CDH13: variants seen among roughly 807,000 people sequenced by gnomAD.
CDH13 encodes cadherin-13.
Under a neutral mutation model 63.8 loss-of-function variants are expected in CDH13, and 24 were observed. The ratio of observed to expected loss-of-function variants is 0.38; its 90% CI spans 0.27 to 0.53. The LOEUF (loss-of-function observed/expected upper bound fraction) is 0.53, where lower values mean the gene tolerates loss of function less well. CDH13 is among the 20% of genes least tolerant of loss of function. The probability of loss-of-function intolerance (pLI) is 0.85; values close to 1 mark genes in which losing one functional copy is unlikely to be tolerated. For missense variants in CDH13, 1,049 were observed against 903.1 expected (o/e 1.16, Z -2.07); for synonymous variants, 503 against 355.3 (o/e 1.42, Z -4.67).
chr16:83,780,159 C>G lies in CDH13; in HGVS notation c.1873C>G (p.Gln625Glu). The change falls in exon 12 of 14, where the codon CAA (glutamine) becomes GAA (glutamate). Residue 625 changes from glutamine (Q) to glutamate (E), a missense_variant. Physicochemically the swap from Gln to Glu is conservative, Grantham distance 29 (BLOSUM62 2). Transcript: ENST00000567109. The stretch of plus-strand genomic sequence containing the variant: ...TCCTTTCAAATTTGAAATCCACAAA[C>G]AAGCTGTTCCTGATAAAGTCTGGAA... Reference protein sequence around the residue: ...TDPFKFEIHKQAVPDKVWKIS... With the variant: ...TDPFKFEIHKEAVPDKVWKIS... The G allele has an allele frequency of 6.2e-7, 1 of 1,610,032 alleles. No individual in the cohort carries two copies. The highest frequency in any genetic ancestry group is 8.5e-7 in the Non-Finnish European group (1 of 1,177,898).
intron 5 of CDH13, among the ~76,000 whole-genome samples, chr16:83,290,549 A>G (rs1351467260): frequency 6.6e-6 from 1 of 152,134 alleles, no homozygotes; most frequent in Non-Finnish European, 1.5e-5. Flanking sequence ...CTCCCCACTC[A>G]TGTGGGACTA....
At chr16:83,366,582 C>T (rs1396348495) in intron 6 of CDH13, among the ~76,000 whole-genome samples, 1 of 152,142 alleles carries the variant, frequency 6.6e-6, no homozygotes, top group Non-Finnish European at 1.5e-5. Context: ...GGATAAGCTA[C>T]CATCATTAAG....
intron 2 of CDH13, among the ~76,000 whole-genome samples, chr16:83,027,537 A>G (rs1332484151): frequency 6.6e-6 from 1 of 152,166 alleles, no homozygotes; most frequent in Non-Finnish European, 1.5e-5. Context: ...CAGTGAAGAC[A>G]AAGGCAGAGG....
At chr16:83,791,782 G>T (rs1344598576) in intron 13 of CDH13, among the ~76,000 whole-genome samples, 1 of 131,664 alleles carries the variant, frequency 7.6e-6, no homozygotes, top group Non-Finnish European at 1.5e-5. Flanking sequence ...TTGCACTCCA[G>T]CCTGGGCAAC....
intron 1 of CDH13, among the ~76,000 whole-genome samples, chr16:82,786,778 G>A (rs2036037638): frequency 6.6e-6 from 1 of 151,566 alleles, no homozygotes; most frequent in Admixed American, 6.6e-5. Flanking sequence ...CCTTGCAATC[G>A]TTTGCTCAGA....
chr16:83,744,927 A>T (rs1391363336), intron 10 of CDH13, among the ~76,000 whole-genome samples: 3 of 152,190 alleles, frequency 2.0e-5, no homozygotes, highest in Non-Finnish European at 2.9e-5. Context: ...GAAGCAGCAG[A>T]GGGTGACAGC....
intron 7 of CDH13, among the ~76,000 whole-genome samples, chr16:83,532,789 AG>A (rs2075108809): frequency 6.6e-6 from 1 of 152,174 alleles, no homozygotes; most frequent in East Asian, 1.9e-4. Context: ...TTTGCACTAG[AG>A]CAGTTGTCCC....
chr16:83,375,450 A>G (rs2091443340), intron 6 of CDH13, among the ~76,000 whole-genome samples: 1 of 152,174 alleles, frequency 6.6e-6, no homozygotes, highest in Non-Finnish European at 1.5e-5. Context: ...CATTCTGCTG[A>G]CATCTTATGA....
At position 82,700,974 on chromosome 16, in the gene CDH13, C is replaced by CCCCCCCCCG. The variant is rs1491560033; in HGVS notation, c.45+73837_45+73838insCCCCCCCCG. Among the ~76,000 whole-genome samples the CCCCCCCCCG allele has an allele frequency of 3.0e-4, 12 of 39,654 alleles. 4 individuals are homozygous for CCCCCCCCCG. The highest frequency in any genetic ancestry group is 1.2e-3 in the East Asian group (1 of 830). 26.0% of individuals were successfully genotyped at this position (39,654 alleles called of 152,430 possible). On this transcript the variant is annotated intron_variant, in intron 1 of 13. Coordinates refer to ENST00000567109, the MANE Select transcript of CDH13 (RefSeq NM_001257.5). ...GAACCCGCCCCCCCCCCCCCCCCCC[C>CCCCCCCCCG]GCCCCGGGCATCTCCAAACTGCTGT...
chr16:83,572,175 G>GGTGTGTGTGTGTGTGTGTGT (rs71148844), intron 7 of CDH13, among the ~76,000 whole-genome samples: 2 of 145,586 alleles, frequency 1.4e-5, no homozygotes, highest in African/African-American at 5.1e-5. Context: ...ACTTTCCTGT[G>GGTGTGTGTGTGTGTGTGTGT]GTGTGTGTGT....
chr16:83,150,345 G>A (rs1418033665), intron 4 of CDH13, among the ~76,000 whole-genome samples: 1 of 152,100 alleles, frequency 6.6e-6, no homozygotes, highest in Non-Finnish European at 1.5e-5. Context: ...GCCTATATCT[G>A]TGTCTATATC....
intron 1 of CDH13, among the ~76,000 whole-genome samples, chr16:82,747,569 A>G (rs1045322982): frequency 1.3e-5 from 2 of 150,556 alleles, no homozygotes; most frequent in Non-Finnish European, 2.9e-5. Flanking sequence ...TCAGGTCCGA[A>G]TCAGAAACTT....
chr16:83,779,559 AC>A (rs1447506321), intron 11 of CDH13, among the ~76,000 whole-genome samples: 1 of 152,076 alleles, frequency 6.6e-6, no homozygotes, highest in Non-Finnish European at 1.5e-5. Context: ...ATGGTGGCTC[AC>A]GCCTGTGATC....
At chr16:82,803,529 A>C (rs1448360748) in intron 1 of CDH13, among the ~76,000 whole-genome samples, 1 of 152,190 alleles carries the variant, frequency 6.6e-6, no homozygotes, top group African/African-American at 2.4e-5. Context: ...TGGGAAGTTT[A>C]GGGAACGACT....
At chr16:83,510,141 A>C (rs2074522665) in intron 7 of CDH13, among the ~76,000 whole-genome samples, 1 of 152,204 alleles carries the variant, frequency 6.6e-6, no homozygotes, top group Non-Finnish European at 1.5e-5. Flanking sequence ...GCCATTTTGT[A>C]AGAAATAAAA....
chr16:82,643,390 C>G (rs1392466418), intron 1 of CDH13, among the ~76,000 whole-genome samples: 2 of 152,180 alleles, frequency 1.3e-5, no homozygotes, highest in African/African-American at 4.8e-5. Flanking sequence ...AAAAGATCCC[C>G]ATTGTCCACC....
At chr16:83,296,562 G>A (rs868803584) in intron 5 of CDH13, among the ~76,000 whole-genome samples, 12 of 152,152 alleles carry the variant, frequency 7.9e-5, no homozygotes, top group Non-Finnish European at 1.6e-4. Context: ...CTTGGAGGAT[G>A]TGGTAATAAA....
chr16:83,398,714 A>T (rs1250858479), intron 6 of CDH13, among the ~76,000 whole-genome samples: 2 of 152,178 alleles, frequency 1.3e-5, no homozygotes, highest in Non-Finnish European at 2.9e-5. Flanking sequence ...CAGAGGTTGG[A>T]ATATGAGAGC....
intron 2 of CDH13, among the ~76,000 whole-genome samples, chr16:83,009,883 C>T (rs1191898672): frequency 6.6e-6 from 1 of 152,068 alleles, no homozygotes; most frequent in Non-Finnish European, 1.5e-5. Context: ...CCTGTAATCT[C>T]AGCACTTTGG....
Sources: allele counts gnomAD v4.1 joint callset (sites outside exome capture counted in the v4.1 genomes callset), GRCh38; gene constraint gnomAD v4.1.1; transcripts MANE v1.5; gene names NCBI Gene and HGNC (gene_info 2026-07-23, HGNC 2026-07-21).